ATOSA: variants seen among roughly 807,000 people sequenced by gnomAD.
ATOSA encodes the protein atos homolog A, also known as atos homolog protein A.
the ATOSA span, among the ~76,000 whole-genome samples, chr15:52,619,831 A>G: frequency 9.8e-6 from 1 of 101,684 alleles, no homozygotes; most frequent in Non-Finnish European, 2.6e-5. Flanking sequence ...TGTCTTAAAA[A>G]AAAAAGAAAA....
chr15:52,678,051 G>C, the ATOSA span: 2 of 1,613,928 alleles, frequency 1.2e-6, no homozygotes, highest in East Asian at 4.5e-5. Context: ...CCAGAGTGCT[G>C]TGAAATGCAC....
At chr15:52,616,754 T>G in the ATOSA span, among the ~76,000 whole-genome samples, 3 of 152,130 alleles carry the variant, frequency 2.0e-5, no homozygotes, top group African/African-American at 7.2e-5. Flanking sequence ...CCAGGAGCTA[T>G]GCAATGACCA....
chr15:52,653,681 C>G, the ATOSA span, among the ~76,000 whole-genome samples: 1 of 152,142 alleles, frequency 6.6e-6, no homozygotes, highest in African/African-American at 2.4e-5. Flanking sequence ...GTACAACTTC[C>G]TAATCCAAGA....
chr15:52,667,329 G>A, the ATOSA span, among the ~76,000 whole-genome samples: 1 of 152,032 alleles, frequency 6.6e-6, no homozygotes, highest in African/African-American at 2.4e-5. Flanking sequence ...TGTAAATGTT[G>A]TCTAACATCA....
At chr15:52,597,301 T>G in the ATOSA span, among the ~76,000 whole-genome samples, 1 of 152,202 alleles carries the variant, frequency 6.6e-6, no homozygotes, top group Non-Finnish European at 1.5e-5. Context: ...AATGAAAATT[T>G]ATGTCCACAT....
the ATOSA span, among the ~76,000 whole-genome samples, chr15:52,640,571 C>CAAAAAAAA: frequency 1.2e-3 from 32 of 27,574 alleles, 5 homozygotes; most frequent in East Asian, 7.9e-3. Flanking sequence ...ACTCAAGTCT[C>CAAAAAAAA]AAAAAAAAAA....
chr15:52,679,396 T>G, the ATOSA span: 1 of 152,448 alleles, frequency 6.6e-6, no homozygotes, highest in Non-Finnish European at 1.5e-5. Flanking sequence ...ACTGCCTAGG[T>G]CACGTGTCCC....
At chr15:52,621,215 A>G in the ATOSA span, among the ~76,000 whole-genome samples, 1 of 152,206 alleles carries the variant, frequency 6.6e-6, no homozygotes, top group Non-Finnish European at 1.5e-5. Context: ...ACATATCTAC[A>G]ATATAAGTAA....
the ATOSA span, chr15:52,610,442 T>G: frequency 1.3e-6 from 2 of 1,484,126 alleles, no homozygotes; most frequent in Non-Finnish European, 1.8e-6. Flanking sequence ...TCCTTATTAT[T>G]GTATATTATT....
chr15:52,698,066 T>A, the ATOSA span, among the ~76,000 whole-genome samples: 1 of 129,304 alleles, frequency 7.7e-6, no homozygotes, highest in South Asian at 2.7e-4. Flanking sequence ...AACCTCCACC[T>A]CCCGGATTCA....
the ATOSA span, among the ~76,000 whole-genome samples, chr15:52,705,695 A>G: frequency 6.6e-6 from 1 of 152,154 alleles, no homozygotes; most frequent in South Asian, 2.1e-4. Flanking sequence ...CAATACATAG[A>G]TTCCCAGCAC....
chr15:52,626,795 T>C, the ATOSA span, among the ~76,000 whole-genome samples: 1 of 152,174 alleles, frequency 6.6e-6, no homozygotes, highest in Non-Finnish European at 1.5e-5. Flanking sequence ...ATTCCAATTG[T>C]GGCTCAGGGA....
At chr15:52,678,484 G>A in the ATOSA span, 5 of 163,586 alleles carry the variant, frequency 3.1e-5, no homozygotes, top group African/African-American at 2.4e-5. Context: ...GGCTGGTATG[G>A]AAATTCTTCC....
At chr15:52,610,406 T>A in the ATOSA span, 10 of 1,576,382 alleles carry the variant, frequency 6.3e-6, no homozygotes, top group African/African-American at 1.2e-4. Context: ...AGAAAAATAC[T>A]GTATTATTGG....
chr15:52,638,698 C>CAAAAAAA, the ATOSA span, among the ~76,000 whole-genome samples: 1 of 100,864 alleles, frequency 9.9e-6, no homozygotes, highest in South Asian at 3.3e-4. Context: ...GAGACTCTGC[C>CAAAAAAA]AAAAAAAAAA....
the ATOSA span, chr15:52,609,100 C>T: frequency 6.2e-7 from 1 of 1,613,406 alleles, no homozygotes; most frequent in Non-Finnish European, 8.5e-7. Flanking sequence ...TAAACTAGAA[C>T]TTTTGTTCTG....
At chr15:52,663,357 C>A in the ATOSA span, among the ~76,000 whole-genome samples, 1 of 152,206 alleles carries the variant, frequency 6.6e-6, no homozygotes, top group Non-Finnish European at 1.5e-5. Context: ...TTTTACCATT[C>A]ATTCAGTTCT....
the ATOSA span, among the ~76,000 whole-genome samples, chr15:52,644,320 CAG>C: frequency 6.6e-6 from 1 of 152,154 alleles, no homozygotes; most frequent in African/African-American, 2.4e-5. Context: ...AAGAAACAAT[CAG>C]ATGATCTCTG....
the ATOSA span, among the ~76,000 whole-genome samples, chr15:52,650,290 GCCA>G: frequency 6.6e-6 from 1 of 151,984 alleles, no homozygotes; most frequent in Non-Finnish European, 1.5e-5. Flanking sequence ...TATTGTGGAG[GCCA>G]CCAAGTCCAA....
Sources: gnomAD v4.1 joint callset for allele counts (sites outside exome capture counted in the v4.1 genomes callset) on GRCh38, gnomAD v4.1.1 for gene constraint, MANE v1.5 for transcripts, NCBI Gene and HGNC (gene_info 2026-07-23, HGNC 2026-07-21) for gene names.